Variants in RIPK2 observed in about 807,000 individuals in gnomAD.
RIPK2 encodes the protein receptor-interacting serine/threonine-protein kinase 2.
A neutral mutation model predicts 60.9 loss-of-function variants in RIPK2; 38 were observed. The ratio of observed to expected loss-of-function variants is 0.62; its 90% confidence interval spans 0.48 to 0.82. The LOEUF is 0.82. Among genes scored for constraint, RIPK2 ranks in the 40% least tolerant of loss-of-function variants. RIPK2 has a pLI of 0.00. For synonymous variants in RIPK2, 225 were observed against 223.4 expected (o/e 1.01, Z -0.06); for missense variants, 518 against 647.0 (o/e 0.80, Z 2.16).
chr8:89,771,263 C>G (rs1809306837), intron 4 of RIPK2, among the ~76,000 whole-genome samples: 1 of 151,802 alleles, frequency 6.6e-6, no homozygotes, highest in Non-Finnish European at 1.5e-5. Context: ...CCTATTTAAC[C>G]ATTTATTCTA....
chr8:89,769,843 A>C lies in RIPK2; in HGVS notation c.555A>C (p.Pro185=), dbSNP rs1809285339. The C allele has an allele frequency of 6.2e-7, 1 of 1,609,310 alleles. No homozygotes were observed. ...LSQSRSSKSA[P]EGGTIIYMPP... ...AGTCACGAAGTAGCAAATCTGCACC[A>C]GAAGGAGGGACAATTATCTATATGC... Residue 185 remains proline (P), a synonymous_variant, in exon 4 of 11, where the codon CCA becomes CCC. Transcript: ENST00000220751.
At chr8:89,766,564 T>G (rs1001985188) in intron 3 of RIPK2, among the ~76,000 whole-genome samples, 1 of 151,702 alleles carries the variant, frequency 6.6e-6, no homozygotes, top group African/African-American at 2.4e-5. Context: ...TCATCAGATA[T>G]GTAGTTTGCA....
At chr8:89,764,600 T>G (rs1809196532) in intron 2 of RIPK2, among the ~76,000 whole-genome samples, 3 of 152,096 alleles carry the variant, frequency 2.0e-5, no homozygotes, top group African/African-American at 7.2e-5. Flanking sequence ...ACTTTTATGT[T>G]CAGAAAACAT....
intron 3 of RIPK2, among the ~76,000 whole-genome samples, chr8:89,766,494 T>G (rs2158131): frequency 0.19 from 28,284 of 151,764 alleles, 3,906 homozygotes; most frequent in African/African-American, 0.39. Context: ...TCTAAAGGGA[T>G]TCTTTGGTTT....
At chr8:89,785,582 G>A (rs763774524) in intron 8 of RIPK2, among the ~76,000 whole-genome samples, 3 of 152,026 alleles carry the variant, frequency 2.0e-5, no homozygotes, top group East Asian at 3.9e-4. Context: ...AAGATATCTC[G>A]TTATATATAT....
At chr8:89,759,337 C>T in intron 1 of RIPK2, 1 of 456,296 alleles carries the variant, frequency 2.2e-6, no homozygotes, top group South Asian at 1.5e-5. Context: ...TAACTAGGCC[C>T]AGCATTCAGT....
In RIPK2 at chr8:89,790,625, CT is replaced by C. The variant is rs1252157399; in HGVS notation, c.*210del. The stretch of plus-strand genomic sequence containing the variant: ...TTGCTACATAGTTCAATTTTTATGT[CT>C]CTTTTGTTAACAGAAACCACTTTTA... On this transcript the variant is annotated 3_prime_UTR_variant, in exon 11 of 11. Transcript: ENST00000220751. The C allele has an allele frequency of 2.3e-6, 1 of 426,854 alleles. No individual in the cohort carries two copies. Among genetic ancestry groups the C allele is most frequent in the African/African-American group, 2.0e-5 (1 of 49,718 alleles). 26.4% of individuals were successfully genotyped at this position (426,854 alleles called of 1,614,324 possible).
chr8:89,787,974 A>AG (rs1283141965), intron 9 of RIPK2, among the ~76,000 whole-genome samples: 2 of 152,156 alleles, frequency 1.3e-5, no homozygotes, highest in African/African-American at 2.4e-5. Context: ...GAGCGATGAG[A>AG]GAAAAAAGAG....
At chr8:89,767,242 T>C (rs1978129) in intron 3 of RIPK2, among the ~76,000 whole-genome samples, 28,277 of 151,694 alleles carry the variant, frequency 0.19, 3,909 homozygotes, top group African/African-American at 0.39. Context: ...TCTAACTGAG[T>C]GTAAATAAAA....
At position 89,762,823 on chromosome 8, in the gene RIPK2, T is replaced by C. The variant is rs1809168505; in HGVS notation, c.174-6T>C. Reference sequence around the variant, plus strand: ...ACTTGAATAATTATGCATTTTTTTTTCTTAGTGAAAGAAAGGATGTCTTAA... The same window carrying C: ...ACTTGAATAATTATGCATTTTTTTTCCTTAGTGAAAGAAAGGATGTCTTAA... On this transcript the variant is annotated splice_polypyrimidine_tract_variant and splice_region_variant and intron_variant, in intron 1 of 10. Transcript: ENST00000220751. The C allele has an allele frequency of 1.5e-6, 2 of 1,330,812 alleles. No individual in the cohort carries two copies. The highest frequency in any genetic ancestry group is 2.6e-5 in the East Asian group (1 of 39,062). 82.4% of individuals were successfully genotyped at this position (1,330,812 alleles called of 1,614,324 possible). A position where few individuals can be genotyped will look rare whatever the true frequency, so the allele number is the denominator to read the frequency against.
At chr8:89,779,835 A>G (rs1044744452) in intron 6 of RIPK2, among the ~76,000 whole-genome samples, 5 of 152,222 alleles carry the variant, frequency 3.3e-5, no homozygotes, top group Non-Finnish European at 5.9e-5. Flanking sequence ...AGGCTATGCT[A>G]TCATTTCCCC....
At chr8:89,773,278 C>CT (rs1474561514) in intron 6 of RIPK2, among the ~76,000 whole-genome samples, 1 of 151,964 alleles carries the variant, frequency 6.6e-6, no homozygotes, top group Non-Finnish European at 1.5e-5. Context: ...AAACAAAGGC[C>CT]TTTTTTTAGG....
At position 89,790,604 on chromosome 8, in the gene RIPK2, T is replaced by C. The variant is rs1164372569; in HGVS notation, c.*188T>C. 1 of 471,684 alleles carries C rather than the reference T, an allele frequency of 2.1e-6. No homozygotes were observed. Among genetic ancestry groups the C allele is most frequent in the Non-Finnish European group, 3.7e-6 (1 of 269,534 alleles). The allele number at this position is 471,684 out of a possible 1,614,324, so 29.2% of individuals were successfully genotyped here. A position where few individuals can be genotyped will look rare whatever the true frequency, so the allele number is the denominator to read the frequency against. Reference sequence around the variant, plus strand: ...TACAAGTAAAAAGTTTGAATTTTGCTACATAGTTCAATTTTTATGTCTCTT... The same window carrying C: ...TACAAGTAAAAAGTTTGAATTTTGCCACATAGTTCAATTTTTATGTCTCTT... On this transcript the variant is annotated 3_prime_UTR_variant, in exon 11 of 11. Coordinates refer to ENST00000220751, the MANE Select transcript of RIPK2 (RefSeq NM_003821.6).
At chr8:89,785,437 C>T (rs1809570515) in intron 8 of RIPK2, among the ~76,000 whole-genome samples, 1 of 150,326 alleles carries the variant, frequency 6.7e-6, no homozygotes, top group African/African-American at 2.5e-5. Context: ...CTGGGCGACT[C>T]CACCTCAAAA....
At position 89,759,345 on chromosome 8, in the gene RIPK2, A is replaced by G. The variant is rs745671446; in HGVS notation, c.173+1112A>G. 5.5e-5 allele frequency: 25 copies of G among 456,292 alleles called. 1 individual carries two copies. The Middle Eastern group carries it at 3.9e-3, about 71-fold the overall frequency. 28.3% of individuals were successfully genotyped at this position (456,292 alleles called of 1,614,324 possible). A position where few individuals can be genotyped will look rare whatever the true frequency, so the allele number is the denominator to read the frequency against. On this transcript the variant is annotated intron_variant, in intron 1 of 10. Transcript: ENST00000220751. ...AGGGATTTAACTAGGCCCAGCATTC[A>G]GTTCTTAGTGAGTTAACATCCATGA...
chr8:89,779,310 G>GTTTTTTTT (rs55784154), intron 6 of RIPK2, among the ~76,000 whole-genome samples: 80 of 79,112 alleles, frequency 1.0e-3, no homozygotes, highest in Middle Eastern at 0.027. Context: ...CGGTTTTTGG[G>GTTTTTTTT]TTTTTTTTTT....
chr8:89,790,105 C>T lies in RIPK2; in HGVS notation c.1312C>T (p.Gln438Ter). ...SERLQPGIAQ[Q>*]WIQSKREDIV... ...ACGTCTGCAGCCTGGTATAGCCCAGCAGTGGATCCAGAGCAAAAGGGAAGA... is the reference window on the plus strand; with the variant it reads ...ACGTCTGCAGCCTGGTATAGCCCAGTAGTGGATCCAGAGCAAAAGGGAAGA... The change falls in exon 11 of 11, where the codon CAG becomes TAG. Residue 438 changes from glutamine (Q) to a stop codon, truncating the protein, a stop_gained. Transcript: ENST00000220751. LOFTEE classifies it high-confidence loss of function. 3 of 1,613,822 alleles carry T rather than the reference C, an allele frequency of 1.9e-6. No individual in the cohort carries two copies. Among genetic ancestry groups the T allele is most frequent in the Non-Finnish European group, 2.5e-6 (3 of 1,179,872 alleles).
At chr8:89,765,843 GT>G (rs1809219407) in intron 3 of RIPK2, among the ~76,000 whole-genome samples, 2 of 151,384 alleles carry the variant, frequency 1.3e-5, no homozygotes, top group African/African-American at 4.8e-5. Flanking sequence ...CCTTCACCTG[GT>G]TTCCCACATT....
At chr8:89,781,006 G>A (rs1809490357) in intron 7 of RIPK2, among the ~76,000 whole-genome samples, 6 of 151,042 alleles carry the variant, frequency 4.0e-5, no homozygotes. Context: ...ATTAGGGCAA[G>A]TGCTAAACTA....
Sources: gnomAD v4.1 joint callset for allele counts (sites outside exome capture counted in the v4.1 genomes callset) on GRCh38, gnomAD v4.1.1 for gene constraint, MANE v1.5 for transcripts, NCBI Gene and HGNC (gene_info 2026-07-23, HGNC 2026-07-21) for gene names.